Variants in NHS observed in about 807,000 individuals in gnomAD.
The protein encoded by NHS is NHS actin remodeling regulator.
A neutral mutation model predicts 72.5 loss-of-function variants in NHS; 5 were observed. The observed-to-expected ratio is 0.07, with a 90% confidence interval of 0.04 to 0.14. The LOEUF is 0.14. Among genes scored for constraint, NHS ranks in the 10% least tolerant of loss-of-function variants. The pLI, the probability that NHS is intolerant of heterozygous loss-of-function variation, is 1.00. For synonymous variants in NHS, 464 were observed against 547.7 expected (o/e 0.85, Z 2.13); for missense variants, 1,072 against 1,355.7 (o/e 0.79, Z 3.29).
At chrX:17,392,737 G>A (rs1461109272) in intron 1 of NHS, among the ~76,000 whole-genome samples, 1 of 111,699 alleles carries the variant, frequency 9.0e-6, no homozygotes, top group African/African-American at 3.3e-5. Context: ...TGCAAATAAC[G>A]AATGTGCACA....
Position 17,726,666 on chromosome X carries a change from C to T in NHS, c.2560C>T (p.Arg854Cys). The change falls in exon 7 of 9, where the codon CGT becomes TGT. Residue 854 changes from arginine to cysteine, a missense_variant. Coordinates refer to ENST00000676302, the MANE Select transcript of NHS (RefSeq NM_001291867.2). Reference protein sequence around the residue: ...KPKAKPTPPKRSSSLRKSDGN... With the variant: ...KPKAKPTPPKCSSSLRKSDGN... The stretch of plus-strand genomic sequence containing the variant: ...AAAGGCAAAGCCGACCCCACCTAAA[C>T]GTAGCTCATCATTGAGGAAGTCTGA... 2 of 1,211,825 alleles carry T rather than the reference C, an allele frequency of 1.7e-6. No individual in the cohort carries two copies. Among genetic ancestry groups the T allele is most frequent in the East Asian group, 3.0e-5 (1 of 33,835 alleles).
At chrX:17,459,369 G>A (rs2146894920) in intron 1 of NHS, among the ~76,000 whole-genome samples, 1 of 111,926 alleles carries the variant, frequency 8.9e-6, no homozygotes, top group African/African-American at 3.2e-5. Context: ...AAGTGAATGG[G>A]CCAGTTCGTA....
intron 1 of NHS, among the ~76,000 whole-genome samples, chrX:17,560,781 G>T (rs1397122569): frequency 8.9e-6 from 1 of 112,329 alleles, no homozygotes; most frequent in African/African-American, 3.2e-5. Context: ...TGTTTTTCAG[G>T]TGATCACATT....
chrX:17,605,821 C>T (rs1335191432), intron 1 of NHS, among the ~76,000 whole-genome samples: 1 of 111,803 alleles, frequency 8.9e-6, no homozygotes, highest in Non-Finnish European at 1.9e-5. Flanking sequence ...TAACCTTTCC[C>T]CTTCTCTGTG....
At chrX:17,685,883 T>C (rs1356556240) in intron 1 of NHS, among the ~76,000 whole-genome samples, 1 of 112,098 alleles carries the variant, frequency 8.9e-6, no homozygotes, top group African/African-American at 3.2e-5. Flanking sequence ...AGAATCACAG[T>C]TAAACCATTT....
intron 1 of NHS, among the ~76,000 whole-genome samples, chrX:17,584,771 A>G (rs182962945): frequency 9.0e-4 from 100 of 111,405 alleles, no homozygotes; most frequent in African/African-American, 3.1e-3. Context: ...TCCCTAGAAA[A>G]CCTTACTGGG....
In NHS at chrX:17,732,223, C is replaced by T. The variant is rs746991322; in HGVS notation, c.4715C>T (p.Ala1572Val). The change falls in exon 9 of 9, where the codon GCA becomes GTA. Residue 1572 changes from alanine to valine, a missense_variant. Physicochemically the swap from Ala to Val is moderately conservative, Grantham distance 64 (BLOSUM62 0). Coordinates refer to ENST00000676302, the MANE Select transcript of NHS (RefSeq NM_001291867.2). ...DAHQGSQGAE[A>V]LSPLSPCSPR... The stretch of plus-strand genomic sequence containing the variant: ...CATCAGGGGTCACAAGGGGCTGAGG[C>T]ATTGTCCCCACTCTCTCCATGCTCC... 1 of 1,210,298 alleles carries T rather than the reference C, an allele frequency of 8.3e-7. No individual in the cohort carries two copies. Among genetic ancestry groups the T allele is most frequent in the South Asian group, 1.8e-5 (1 of 56,793 alleles).
intron 1 of NHS, among the ~76,000 whole-genome samples, chrX:17,510,647 C>T (rs759825995): frequency 1.8e-5 from 2 of 111,736 alleles, no homozygotes; most frequent in Non-Finnish European, 3.8e-5. Context: ...CCCAAAGTAG[C>T]CTGGGTGGCT....
chrX:17,383,210 T>C (rs2064387224), intron 1 of NHS, among the ~76,000 whole-genome samples: 1 of 112,055 alleles, frequency 8.9e-6, no homozygotes, highest in Non-Finnish European at 1.9e-5. Context: ...CTTGCAGTCA[T>C]AGGGTCTACT....
intron 1 of NHS, among the ~76,000 whole-genome samples, chrX:17,478,695 A>T (rs1034121801): frequency 1.8e-5 from 2 of 111,289 alleles, no homozygotes; most frequent in Admixed American, 1.9e-4. Flanking sequence ...GGAGGGAAGG[A>T]TCTCAAAGAA....
intron 1 of NHS, among the ~76,000 whole-genome samples, chrX:17,458,564 C>T (rs1465920255): frequency 9.0e-6 from 1 of 111,005 alleles, no homozygotes; most frequent in African/African-American, 3.3e-5. Context: ...TTGATATCGG[C>T]TCACTGCAAC....
intron 1 of NHS, chrX:17,557,109 T>TGTGTG (rs2065380523): frequency 2.3e-5 from 2 of 87,675 alleles, no homozygotes; most frequent in African/African-American, 8.7e-5. Flanking sequence ...AAGGGGGATT[T>TGTGTG]TGTGTGTGTG....
chrX:17,688,220 G>A (rs2066175640), intron 2 of NHS, among the ~76,000 whole-genome samples: 1 of 112,055 alleles, frequency 8.9e-6, no homozygotes. Flanking sequence ...CTTGTCAAAA[G>A]CAAGTCTGGA....
intron 6 of NHS, 98 bp from the exon 7 acceptor site, chrX:17,725,249 C>A: frequency 1.2e-6 from 1 of 809,084 alleles, no homozygotes; most frequent in Non-Finnish European, 1.8e-6. Flanking sequence ...AAAAAAACAG[C>A]TCTAACCTGC....
intron 1 of NHS, among the ~76,000 whole-genome samples, chrX:17,509,516 C>T (rs780060098): frequency 1.2e-4 from 13 of 112,515 alleles, no homozygotes; most frequent in African/African-American, 1.6e-4. Flanking sequence ...CGTGAGCCAC[C>T]ACGCCTGGCC....
chrX:17,706,312 A>G (rs187494269), intron 3 of NHS, among the ~76,000 whole-genome samples: 104 of 111,984 alleles, frequency 9.3e-4, no homozygotes, highest in African/African-American at 3.3e-3. Context: ...GAAAACTGAC[A>G]AAATTTAAAT....
chrX:17,670,027 G>A (rs2066035072), intron 1 of NHS, among the ~76,000 whole-genome samples: 1 of 112,018 alleles, frequency 8.9e-6, no homozygotes, highest in South Asian at 3.8e-4. Context: ...TGGCTTCGCA[G>A]AAAACCCCAT....
At chrX:17,616,102 G>A (rs1363462059) in intron 1 of NHS, among the ~76,000 whole-genome samples, 1 of 112,312 alleles carries the variant, frequency 8.9e-6, no homozygotes, top group Non-Finnish European at 1.9e-5. Flanking sequence ...CAGAGTGAGC[G>A]ATATCCCTGT....
chrX:17,556,662 G>A (rs915249145), intron 1 of NHS, among the ~76,000 whole-genome samples: 5 of 112,567 alleles, frequency 4.4e-5, no homozygotes, highest in Admixed American at 2.8e-4. Context: ...AAGTGGCAGC[G>A]TTGAGCTCTA....
Sources: gnomAD v4.1 joint callset for allele counts (sites outside exome capture counted in the v4.1 genomes callset) on GRCh38, gnomAD v4.1.1 for gene constraint, MANE v1.5 for transcripts, NCBI Gene and HGNC (gene_info 2026-07-23, HGNC 2026-07-21) for gene names.